FAM120C: variants seen among roughly 807,000 people sequenced by gnomAD.
FAM120C encodes constitutive coactivator of PPAR-gamma-like protein 2.
In FAM120C, 14 loss-of-function variants were observed where a neutral mutation model predicts 71.2. The observed-to-expected ratio is 0.20, with a 90% CI of 0.13 to 0.31. FAM120C has a LOEUF of 0.31. Ranked by LOEUF, FAM120C falls within the 10% of genes least tolerant of loss-of-function variation. The probability of loss-of-function intolerance (pLI) is 1.00; values close to 1 mark genes in which losing one functional copy is unlikely to be tolerated. For synonymous variants in FAM120C, 354 were observed against 353.2 expected (o/e 1.00, Z -0.03); for missense variants, 500 against 879.0 (o/e 0.57, Z 5.45).
intron 4 of FAM120C, among the ~76,000 whole-genome samples, chrX:54,148,041 G>T (rs1229308938): frequency 9.0e-6 from 1 of 111,412 alleles, no homozygotes; most frequent in Non-Finnish European, 1.9e-5. Context: ...GAGAACAAAA[G>T]AATATTGTCA....
chrX:54,113,298 C>T lies in FAM120C; in HGVS notation c.2312+3247G>A, dbSNP rs781810618. Among the ~76,000 whole-genome samples, 4 of 106,761 alleles carry T rather than the reference C, an allele frequency of 3.7e-5. No homozygotes were observed. The East Asian group carries it at 9.3e-4, about 25-fold the overall frequency. 92.7% of individuals were successfully genotyped at this position (106,761 alleles called of 115,157 possible). On this transcript the variant is annotated intron_variant, in intron 10 of 15. Coordinates refer to ENST00000375180, the MANE Select transcript of FAM120C (RefSeq NM_017848.6). ...CCAACATGGTGAAACCCCATCTCTA[C>T]TAAAATAAAAAATTAGCCGGGCGTG...
At chrX:54,078,290 T>A (rs1319100531) in intron 15 of FAM120C, among the ~76,000 whole-genome samples, 1 of 110,907 alleles carries the variant, frequency 9.0e-6, no homozygotes, top group Non-Finnish European at 1.9e-5. Context: ...TCAGACTGTA[T>A]GCCTGATGAC....
chrX:54,178,563 G>A (rs1309553633), intron 1 of FAM120C, among the ~76,000 whole-genome samples: 3 of 111,760 alleles, frequency 2.7e-5, no homozygotes, highest in African/African-American at 9.7e-5. Flanking sequence ...CTGTAAAATG[G>A]GGAGAATACC....
In FAM120C at chrX:54,072,988, A is replaced by G. The variant is rs1569531168; in HGVS notation, c.*45T>C. On this transcript the variant is annotated 3_prime_UTR_variant, in exon 16 of 16. Transcript: ENST00000375180. ...GCTTGGGCCTAAAATCAGAAAAGTAAAAGTTTTTCCCTCTTCCTGGTTTGG... is the reference window on the plus strand; with the variant it reads ...GCTTGGGCCTAAAATCAGAAAAGTAGAAGTTTTTCCCTCTTCCTGGTTTGG... 3.4e-6 allele frequency: 4 copies of G among 1,163,339 alleles called. No homozygotes were observed. The highest frequency in any genetic ancestry group is 4.6e-6 in the Non-Finnish European group (4 of 871,347).
chrX:54,094,211 C>T (rs891537391), intron 10 of FAM120C, among the ~76,000 whole-genome samples: 2 of 106,918 alleles, frequency 1.9e-5, no homozygotes, highest in Admixed American at 1.0e-4. Flanking sequence ...CATTCTCCTG[C>T]CTCAGCCTCT....
Position 54,072,200 on chromosome X carries a change from C to CACACAG in FAM120C, c.*832_*833insCTGTGT, listed in dbSNP as rs1368411338. ...ACACACACACACACACACACACACA[C>CACACAG]AGTCTCTTGAGTCCCTTTCGTACTC... is the stretch of plus-strand genomic sequence containing the variant. On this transcript the variant is annotated 3_prime_UTR_variant, in exon 16 of 16. Coordinates refer to ENST00000375180, the MANE Select transcript of FAM120C (RefSeq NM_017848.6). 4 of 105,280 alleles carry CACACAG rather than the reference C, an allele frequency of 3.8e-5. No homozygotes were observed. Among genetic ancestry groups the CACACAG allele is most frequent in the Non-Finnish European group, 3.9e-5 (2 of 51,301 alleles). 8.7% of individuals were successfully genotyped at this position (105,280 alleles called of 1,213,427 possible). A position where few individuals can be genotyped will look rare whatever the true frequency, so the allele number is the denominator to read the frequency against.
At chrX:54,108,694 G>A (rs1328305790) in intron 10 of FAM120C, among the ~76,000 whole-genome samples, 7 of 111,178 alleles carry the variant, frequency 6.3e-5, no homozygotes, top group Admixed American at 9.7e-5. Context: ...ACTTTGGGAG[G>A]CCGAGGCAGG....
At chrX:54,082,355 G>C (rs2066770458) in intron 13 of FAM120C, among the ~76,000 whole-genome samples, 1 of 111,011 alleles carries the variant, frequency 9.0e-6, no homozygotes, top group Admixed American at 9.7e-5. Flanking sequence ...AGTATTTGTT[G>C]AAAGAATGAA....
chrX:54,144,336 A>C (rs1243471841), intron 4 of FAM120C, among the ~76,000 whole-genome samples: 4 of 111,559 alleles, frequency 3.6e-5, no homozygotes, highest in African/African-American at 1.3e-4. Flanking sequence ...AGGAGAAAGA[A>C]ATAAAGGGTA....
At chrX:54,077,939 C>CTTTTTTTTTT (rs1194855968) in intron 15 of FAM120C, among the ~76,000 whole-genome samples, 1 of 55,296 alleles carries the variant, frequency 1.8e-5, no homozygotes, top group Non-Finnish European at 3.2e-5. Context: ...AAGATCTACT[C>CTTTTTTTTTT]TTTTTTTTTT....
intron 4 of FAM120C, among the ~76,000 whole-genome samples, chrX:54,147,908 C>T (rs782086528): frequency 6.3e-5 from 7 of 111,103 alleles, no homozygotes; most frequent in South Asian, 3.8e-4. Flanking sequence ...GTTGGCCAGG[C>T]GGGTCTCAAA....
At chrX:54,162,714 C>A (rs1376847869) in intron 1 of FAM120C, among the ~76,000 whole-genome samples, 1 of 111,895 alleles carries the variant, frequency 8.9e-6, no homozygotes, top group Non-Finnish European at 1.9e-5. Context: ...GCTCGAGTAG[C>A]AAAGTAGTAT....
At chrX:54,080,688 C>T (rs1301377689) in intron 14 of FAM120C, among the ~76,000 whole-genome samples, 1 of 109,129 alleles carries the variant, frequency 9.2e-6, no homozygotes, top group Admixed American at 9.9e-5. Flanking sequence ...GGTGAAACCC[C>T]ATCTCTACTA....
chrX:54,151,952 T>G (rs2067185852), intron 3 of FAM120C, among the ~76,000 whole-genome samples: 1 of 110,619 alleles, frequency 9.0e-6, no homozygotes, highest in Non-Finnish European at 1.9e-5. Flanking sequence ...CTGGTAACTG[T>G]TGGATCTGGA....
intron 10 of FAM120C, among the ~76,000 whole-genome samples, chrX:54,102,722 G>A (rs1557124288): frequency 1.4e-5 from 1 of 71,960 alleles, no homozygotes; most frequent in Non-Finnish European, 2.6e-5. Flanking sequence ...TTGTATTTAC[G>A]TGTTTTTTTT....
At chrX:54,137,201 C>T (rs1465461155) in intron 4 of FAM120C, among the ~76,000 whole-genome samples, 3 of 111,357 alleles carry the variant, frequency 2.7e-5, no homozygotes, top group African/African-American at 9.8e-5. Context: ...GATCCATCTG[C>T]CTTGGCCTCC....
chrX:54,151,185 T>C, intron 4 of FAM120C, 60 bp downstream of exon 4: 5 of 1,166,741 alleles, frequency 4.3e-6, no homozygotes, highest in Non-Finnish European at 5.8e-6. Flanking sequence ...AGGGACCTGC[T>C]GGTGTTGCTG....
At chrX:54,125,701 A>T (rs782083034) in intron 9 of FAM120C, among the ~76,000 whole-genome samples, 19 of 112,950 alleles carry the variant, frequency 1.7e-4, no homozygotes, top group Non-Finnish European at 3.0e-4. Flanking sequence ...CATTTTAGCT[A>T]GTTTAATTCC....
At chrX:54,093,587 A>G (rs1557122885) in intron 10 of FAM120C, among the ~76,000 whole-genome samples, 1 of 112,063 alleles carries the variant, frequency 8.9e-6, no homozygotes, top group Non-Finnish European at 1.9e-5. Context: ...AAATAAGTCA[A>G]TGTCAGGACA....
Sources: allele counts gnomAD v4.1 joint callset (sites outside exome capture counted in the v4.1 genomes callset), GRCh38; gene constraint gnomAD v4.1.1; transcripts MANE v1.5; gene names NCBI Gene and HGNC (gene_info 2026-07-23, HGNC 2026-07-21).